CDH19: variants seen among roughly 807,000 people sequenced by gnomAD.
The protein encoded by CDH19 is cadherin-19.
CDH19 carries 67 observed loss-of-function variants against 64.2 expected under a neutral mutation model. The observed-to-expected ratio is 1.04, with a 90% confidence interval of 0.86 to 1.28. The LOEUF (loss-of-function observed/expected upper bound fraction) is 1.28, where lower values mean the gene tolerates loss of function less well. CDH19 is among the 50% of genes most tolerant of loss of function. The pLI, the probability that CDH19 is intolerant of heterozygous loss-of-function variation, is 0.00. For missense variants in CDH19, 1,030 were observed against 929.0 expected, an observed-to-expected ratio of 1.11 and a Z score of -1.41; for synonymous variants, 346 against 319.3, an observed-to-expected ratio of 1.08 and a Z score of -0.89.
chr18:66,509,319 T>C, intron 10 of CDH19, 73 bp from the exon 11 acceptor site: 1 of 1,272,242 alleles, frequency 7.9e-7, no homozygotes, highest in South Asian at 1.3e-5. Flanking sequence ...TCACATGTGC[T>C]AGGGACAATA....
intron 5 of CDH19, among the ~76,000 whole-genome samples, chr18:66,548,090 TTA>T (rs1987199158): frequency 6.8e-6 from 1 of 146,936 alleles, no homozygotes; most frequent in Admixed American, 6.8e-5. Context: ...TATAAATATA[TTA>T]TATATTTGTT....
intron 5 of CDH19, 106 bp from the exon 6 acceptor site, chr18:66,545,009 C>CGAAAA: frequency 1.2e-6 from 1 of 821,172 alleles, no homozygotes; most frequent in Non-Finnish European, 1.8e-6. Context: ...GACGGAGTCT[C>CGAAAA]ATTCTGTCGC....
intron 5 of CDH19, among the ~76,000 whole-genome samples, chr18:66,547,134 T>G (rs1438311625): frequency 6.6e-6 from 1 of 152,060 alleles, no homozygotes; most frequent in Non-Finnish European, 1.5e-5. Flanking sequence ...ATTGCACTAA[T>G]AGAGACGAAA....
At position 66,509,242 on chromosome 18, in the gene CDH19, GT is replaced by G; in HGVS notation, c.1580del (p.Asn527ThrfsTer6). On this transcript the variant is annotated frameshift_variant, in exon 11 of 12. Coordinates refer to ENST00000262150, the MANE Select transcript of CDH19 (RefSeq NM_021153.4). LOFTEE classifies it high-confidence loss of function. ...TTCTATTAGTCAAAATGACAGCTGTGTTATCTAAAACAAAAATCCATGTGCA... is the reference window on the plus strand; with the variant it reads ...TTCTATTAGTCAAAATGACAGCTGTGTATCTAAAACAAAAATCCATGTGCA... Reference protein sequence around the residue: ...SSFTIIDNQDNTAVILTNRTG... With the variant: ...SSFTIIDNQDXTAVILTNRTG... 2 of 1,611,210 alleles carry G rather than the reference GT, an allele frequency of 1.2e-6. No homozygotes were observed. Among genetic ancestry groups the G allele is most frequent in the Non-Finnish European group, 1.7e-6 (2 of 1,178,342 alleles).
chr18:66,522,404 C>A (rs1473445676), intron 9 of CDH19, among the ~76,000 whole-genome samples: 2 of 152,044 alleles, frequency 1.3e-5, no homozygotes, highest in Non-Finnish European at 2.9e-5. Flanking sequence ...CCATTCGCCA[C>A]TACGCCCGGC....
Position 66,509,079 on chromosome 18 carries a change from A to G in CDH19, c.1744T>C (p.Cys582Arg). 6.2e-7 allele frequency: 1 copy of G among 1,612,896 alleles called. No individual in the cohort carries two copies. The highest frequency in any genetic ancestry group is 8.5e-7 in the Non-Finnish European group (1 of 1,179,276). ...DCGDSGSTQTCQYQELVLSMG... is the reference protein window; with the variant it reads ...DCGDSGSTQTRQYQELVLSMG... ...GAAAGCACAAGCTCCTGGTACTGGCAGGTCTGTGTGCTCCCACTGTCACCA... is the reference window on the plus strand; with the variant it reads ...GAAAGCACAAGCTCCTGGTACTGGCGGGTCTGTGTGCTCCCACTGTCACCA... Residue 582 changes from cysteine to arginine, a missense_variant, in exon 11 of 12, where the codon TGC becomes CGC. Cys to Arg is a radical substitution (Grantham distance 180). Coordinates refer to ENST00000262150, the MANE Select transcript of CDH19 (RefSeq NM_021153.4).
At position 66,597,809 on chromosome 18, in the gene CDH19, G is replaced by A. The variant is rs185945543; in HGVS notation, c.-113+6145C>T. On this transcript the variant is annotated intron_variant, in intron 1 of 11. Coordinates refer to ENST00000262150, the MANE Select transcript of CDH19 (RefSeq NM_021153.4). Reference sequence around the variant, plus strand: ...TATGAACAGAGGCTTCTCAAAAGAAGACATGCACACAGCCAACAAGCCTAT... The same window carrying A: ...TATGAACAGAGGCTTCTCAAAAGAAAACATGCACACAGCCAACAAGCCTAT... Among the ~76,000 whole-genome samples, 29 of 152,148 alleles carry A rather than the reference G, an allele frequency of 1.9e-4. No individual in the cohort carries two copies. The South Asian group carries it at 2.3e-3, about 12-fold the overall frequency.
At chr18:66,576,562 T>C (rs1454337335) in intron 1 of CDH19, among the ~76,000 whole-genome samples, 1 of 151,616 alleles carries the variant, frequency 6.6e-6, no homozygotes, top group African/African-American at 2.4e-5. Context: ...ATTATGTCAA[T>C]TCATTAACAG....
At position 66,505,177 on chromosome 18, in the gene CDH19, C is replaced by A; in HGVS notation, c.1954G>T (p.Glu652Ter). ...DDEGGGEEDTEAFDIAELRSS... is the reference protein window; with the variant it reads ...DDEGGGEEDT ...CTCAGCTCTGCTATATCAAAGGCCT[C>A]TGTATCTTCTTCTCCACCCCCTTCA... The change falls in exon 12 of 12, where the codon GAG becomes TAG. Residue 652 changes from glutamate (E) to a stop codon, truncating the protein, a stop_gained. Coordinates refer to ENST00000262150, the MANE Select transcript of CDH19 (RefSeq NM_021153.4). LOFTEE classifies it low-confidence loss of function (END_TRUNC). 6.2e-7 allele frequency: 1 copy of A among 1,613,356 alleles called. No individual in the cohort carries two copies. The highest frequency in any genetic ancestry group is 8.5e-7 in the Non-Finnish European group (1 of 1,179,564).
At chr18:66,560,074 G>A (rs897411803) in intron 3 of CDH19, among the ~76,000 whole-genome samples, 1 of 151,868 alleles carries the variant, frequency 6.6e-6, no homozygotes, top group Non-Finnish European at 1.5e-5. Flanking sequence ...TCACTCTGTC[G>A]CCCAGGTTGG....
chr18:66,523,898 C>A (rs1986101108), intron 9 of CDH19, among the ~76,000 whole-genome samples: 1 of 122,236 alleles, frequency 8.2e-6, no homozygotes, highest in Non-Finnish European at 1.7e-5. Context: ...GAGAAAAGCT[C>A]TCCGGGGGTG....
intron 1 of CDH19, among the ~76,000 whole-genome samples, chr18:66,579,989 G>A (rs1476042109): frequency 1.3e-5 from 2 of 152,006 alleles, no homozygotes; most frequent in African/African-American, 4.8e-5. Context: ...CAAAACCATT[G>A]TGGTAAATTG....
intron 10 of CDH19, among the ~76,000 whole-genome samples, chr18:66,509,978 C>G (rs1477652145): frequency 6.6e-6 from 1 of 151,728 alleles, no homozygotes; most frequent in Non-Finnish European, 1.5e-5. Flanking sequence ...TTCATGAAAA[C>G]AAACAATAAG....
rs541855395 is a variant in CDH19 at position 66,503,511 on chromosome 18, T to A, written c.*1301A>T. The A allele has an allele frequency of 5.9e-5, 9 of 151,898 alleles. No homozygotes were observed. The highest frequency in any genetic ancestry group is 3.3e-4 in the Admixed American group (5 of 15,204). The allele number at this position is 151,898 out of a possible 1,614,324, so 9.4% of individuals were successfully genotyped here. ...AGTTTGAATCCAGTATTCCTTTAAG[T>A]TGTCTAAATAATTTTTAGTAGAGGT... On this transcript the variant is annotated 3_prime_UTR_variant, in exon 12 of 12. Transcript: ENST00000262150.
chr18:66,567,450 C>A (rs1157983691), intron 3 of CDH19, among the ~76,000 whole-genome samples: 1 of 151,688 alleles, frequency 6.6e-6, no homozygotes, highest in African/African-American at 2.4e-5. Context: ...ATTTACATCT[C>A]ATAATAATTT....
intron 7 of CDH19, among the ~76,000 whole-genome samples, chr18:66,538,750 G>A (rs1986775897): frequency 6.6e-6 from 1 of 152,088 alleles, no homozygotes; most frequent in African/African-American, 2.4e-5. Context: ...CTGTAGGGGT[G>A]AATCCTTCCT....
intron 11 of CDH19, among the ~76,000 whole-genome samples, chr18:66,506,351 G>A (rs978338822): frequency 2.6e-5 from 4 of 151,910 alleles, no homozygotes; most frequent in African/African-American, 9.7e-5. Context: ...CATGTTTTCA[G>A]TCACAAATAT....
At chr18:66,603,850 T>G (rs145124497) in intron 1 of CDH19, 104 bp downstream of exon 1, 83 of 152,254 alleles carry the variant, frequency 5.5e-4, no homozygotes, top group African/African-American at 1.9e-3. Flanking sequence ...CTTAATATTT[T>G]TAGAATATTT....
At chr18:66,590,345 A>C (rs947067424) in intron 1 of CDH19, among the ~76,000 whole-genome samples, 1 of 151,880 alleles carries the variant, frequency 6.6e-6, no homozygotes, top group African/African-American at 2.4e-5. Flanking sequence ...TCTATAGTAT[A>C]TGTTCTATTA....
Sources: allele counts gnomAD v4.1 joint callset (sites outside exome capture counted in the v4.1 genomes callset), GRCh38; gene constraint gnomAD v4.1.1; transcripts MANE v1.5; gene names NCBI Gene and HGNC (gene_info 2026-07-23, HGNC 2026-07-21).